Variants in RIC1 observed in about 807,000 individuals in gnomAD.
The protein encoded by RIC1 is RIC1 partner of RAB6A GEF complex, also known as guanine nucleotide exchange factor subunit RIC1.
A neutral mutation model predicts 169.0 loss-of-function variants in RIC1; 88 were observed. That is an observed-to-expected ratio of 0.52 (90% confidence interval 0.44 to 0.62). RIC1 has a LOEUF of 0.62. Among genes scored for constraint, RIC1 ranks in the 20% least tolerant of loss-of-function variants. The pLI, the probability that RIC1 is intolerant of heterozygous loss-of-function variation, is 0.00. For missense variants in RIC1, 1,877 were observed against 1,725.5 expected (o/e 1.09, Z -1.56); for synonymous variants, 790 against 601.5 (o/e 1.31, Z -4.59).
At chr9:5,746,681 A>G (rs767046646) in intron 11 of RIC1, among the ~76,000 whole-genome samples, 2 of 152,184 alleles carry the variant, frequency 1.3e-5, no homozygotes, top group Non-Finnish European at 2.9e-5. Context: ...TTGTATTTCT[A>G]TCTGAAATAG....
Position 5,713,890 on chromosome 9 carries a change from T to G in RIC1, c.333-6T>G, listed in dbSNP as rs777269131. The stretch of plus-strand genomic sequence containing the variant: ...TCTTTCTTTAACTCTATGCTGTTTG[T>G]TTTAGAGGAAGTCCACAAATGAAGG... On this transcript the variant is annotated splice_region_variant and splice_polypyrimidine_tract_variant and intron_variant, in intron 3 of 25. Coordinates refer to ENST00000414202, the MANE Select transcript of RIC1 (RefSeq NM_020829.4). 1.9e-6 allele frequency: 3 copies of G among 1,606,198 alleles called. No individual in the cohort carries two copies. The highest frequency in any genetic ancestry group is 8.5e-7 in the Non-Finnish European group (1 of 1,173,306).
intron 3 of RIC1, among the ~76,000 whole-genome samples, chr9:5,712,133 TC>T (rs1243226939): frequency 6.6e-6 from 1 of 152,186 alleles, no homozygotes; most frequent in Non-Finnish European, 1.5e-5. Context: ...TAGTTCTAGA[TC>T]CCTAAGGAAT....
intron 6 of RIC1, among the ~76,000 whole-genome samples, chr9:5,728,765 T>G (rs1824169379): frequency 6.6e-6 from 1 of 152,218 alleles, no homozygotes; most frequent in Non-Finnish European, 1.5e-5. Context: ...ACACAGCTGT[T>G]TTTTGGCCTT....
At chr9:5,689,001 T>A (rs903983299) in intron 2 of RIC1, among the ~76,000 whole-genome samples, 1 of 152,020 alleles carries the variant, frequency 6.6e-6, no homozygotes, top group Non-Finnish European at 1.5e-5. Flanking sequence ...ATGACGCAGA[T>A]GTATGTCATG....
In RIC1 at chr9:5,757,379, T is replaced by C. The variant is rs145056583; in HGVS notation, c.1920T>C (p.Pro640=). The C allele has an allele frequency of 1.4e-4, 221 of 1,614,056 alleles. 1 individual carries two copies. In the South Asian group the frequency reaches 2.3e-3, roughly 17 times the overall value. The change falls in exon 17 of 26, where the codon CCT becomes CCC. Residue 640 remains proline (P), a synonymous_variant. Transcript: ENST00000414202. ...EVSMSRYIPH[P]FLVVSVTLTS... ...CCATGTCACGCTACATTCCTCACCC[T>C]TTCCTGGTGGTATCTGTCACTCTGA...
intron 3 of RIC1, among the ~76,000 whole-genome samples, chr9:5,701,013 G>A (rs1200111083): frequency 6.6e-6 from 1 of 152,070 alleles, no homozygotes; most frequent in African/African-American, 2.4e-5. Context: ...TATGGTCAAA[G>A]TCTGGTGTTT....
intron 1 of RIC1, among the ~76,000 whole-genome samples, chr9:5,634,654 C>G (rs1817883027): frequency 6.6e-6 from 1 of 152,088 alleles, no homozygotes; most frequent in Admixed American, 6.5e-5. Context: ...ATATTTTCTC[C>G]TATTCCATAG....
intron 2 of RIC1, among the ~76,000 whole-genome samples, chr9:5,659,673 C>T (rs989708282): frequency 1.3e-5 from 2 of 152,088 alleles, no homozygotes; most frequent in Non-Finnish European, 2.9e-5. Flanking sequence ...TTATTTAGAC[C>T]TTCAATTTCT....
intron 25 of RIC1, 93 bp downstream of exon 25, chr9:5,773,173 AC>A (rs1827347066): frequency 5.8e-6 from 3 of 517,266 alleles, no homozygotes; most frequent in Non-Finnish European, 9.2e-6. Flanking sequence ...TTCATGTGTT[AC>A]ATTTTATTTA....
intron 1 of RIC1, among the ~76,000 whole-genome samples, chr9:5,638,600 C>G (rs978494092): frequency 2.0e-5 from 3 of 152,128 alleles, no homozygotes; most frequent in Admixed American, 6.6e-5. Flanking sequence ...TCCATTTCCT[C>G]TAGATTTTCC....
intron 2 of RIC1, among the ~76,000 whole-genome samples, chr9:5,669,849 A>C (rs1819988301): frequency 1.3e-5 from 2 of 152,214 alleles, no homozygotes; most frequent in Admixed American, 1.3e-4. Context: ...CTAAAACAAC[A>C]GGATTCTTGC....
At chr9:5,652,806 C>G (rs1270034302) in intron 1 of RIC1, among the ~76,000 whole-genome samples, 1 of 151,924 alleles carries the variant, frequency 6.6e-6, no homozygotes, top group Non-Finnish European at 1.5e-5. Context: ...AAGATTTCAA[C>G]TTTTCCTTAT....
At chr9:5,718,936 A>T in intron 4 of RIC1, 1 of 152,234 alleles carries the variant, frequency 6.6e-6, no homozygotes, top group Non-Finnish European at 1.5e-5. Context: ...CTTTCCAAAG[A>T]ATTAAAGGTT....
At chr9:5,745,721 T>TA (rs1366329544) in intron 10 of RIC1, among the ~76,000 whole-genome samples, 1 of 152,202 alleles carries the variant, frequency 6.6e-6, no homozygotes, top group East Asian at 1.9e-4. Context: ...CTTTTGCAGA[T>TA]AGAGAGCAGT....
At chr9:5,729,012 C>A (rs1361825224) in intron 6 of RIC1, among the ~76,000 whole-genome samples, 1 of 152,166 alleles carries the variant, frequency 6.6e-6, no homozygotes, top group Non-Finnish European at 1.5e-5. Flanking sequence ...TTCCCTCTGT[C>A]CCTCCCTTCT....
chr9:5,655,489 TG>T (rs1278256191), intron 1 of RIC1, among the ~76,000 whole-genome samples: 2 of 151,652 alleles, frequency 1.3e-5, no homozygotes, highest in Non-Finnish European at 2.9e-5. Context: ...TTAGTAGAGA[TG>T]GGGTTTCACC....
chr9:5,670,170 A>G (rs1204760608), intron 2 of RIC1, among the ~76,000 whole-genome samples: 2 of 152,190 alleles, frequency 1.3e-5, no homozygotes, highest in African/African-American at 2.4e-5. Context: ...TGCAGCTTCT[A>G]AGTTCAGCAG....
At chr9:5,711,209 A>G (rs1822909150) in intron 3 of RIC1, among the ~76,000 whole-genome samples, 1 of 152,152 alleles carries the variant, frequency 6.6e-6, no homozygotes, top group Non-Finnish European at 1.5e-5. Flanking sequence ...AATGTCATTG[A>G]ACTCCACAGC....
At chr9:5,724,857 C>T (rs576727952) in intron 6 of RIC1, among the ~76,000 whole-genome samples, 7 of 152,098 alleles carry the variant, frequency 4.6e-5, no homozygotes, top group African/African-American at 1.4e-4. Context: ...GCTGTATTAC[C>T]GTTATTGATT....
Sources: gnomAD v4.1 joint callset for allele counts (sites outside exome capture counted in the v4.1 genomes callset) on GRCh38, gnomAD v4.1.1 for gene constraint, MANE v1.5 for transcripts, NCBI Gene and HGNC (gene_info 2026-07-23, HGNC 2026-07-21) for gene names.